The following RANBP17 variants were observed in gnomAD, a reference collection of about 807,000 sequenced individuals.
RANBP17 encodes the protein RAN binding protein 17, also known as ran-binding protein 17.
Under a neutral mutation model 141.2 loss-of-function variants are expected in RANBP17, and 158 were observed. The ratio of observed to expected loss-of-function variants is 1.12; its 90% CI spans 0.98 to 1.28. The LOEUF (loss-of-function observed/expected upper bound fraction) is 1.28. Among genes scored for constraint, RANBP17 ranks in the 50% most tolerant of loss-of-function variants. The pLI is 0.00. For synonymous variants in RANBP17, 430 were observed against 450.0 expected, an observed-to-expected ratio of 0.96 and a Z score of 0.56; for missense variants, 1,438 against 1,290.7, an observed-to-expected ratio of 1.11 and a Z score of -1.75.
intron 22 of RANBP17, among the ~76,000 whole-genome samples, chr5:171,229,759 G>GAAA (rs758827854): frequency 3.4e-5 from 3 of 88,320 alleles, no homozygotes; most frequent in African/African-American, 1.2e-4. Context: ...GATGCAAAAG[G>GAAA]AAAAAAAAAA....
At chr5:171,157,094 A>C (rs563248776) in intron 14 of RANBP17, among the ~76,000 whole-genome samples, 1 of 152,184 alleles carries the variant, frequency 6.6e-6, no homozygotes, top group African/African-American at 2.4e-5. Context: ...TTGTAAGCTA[A>C]CTGTCTGTCA....
chr5:170,960,871 T>C (rs1263866791), intron 13 of RANBP17, among the ~76,000 whole-genome samples: 2 of 152,132 alleles, frequency 1.3e-5, no homozygotes, highest in South Asian at 4.1e-4. Context: ...ATTATACAGC[T>C]GAGTAGCTGG....
chr5:170,954,856 C>A (rs1775487190), intron 13 of RANBP17, among the ~76,000 whole-genome samples: 1 of 152,242 alleles, frequency 6.6e-6, no homozygotes, highest in South Asian at 2.1e-4. Context: ...ACCAATGTAT[C>A]CTCTGAACCA....
chr5:171,088,310 T>C lies in RANBP17; in HGVS notation c.1711-81820T>C, dbSNP rs1485776123. 3.3e-5 allele frequency among the ~76,000 whole-genome samples: 5 copies of C among 152,230 alleles called. 1 individual carries two copies. The South Asian group carries it at 1.0e-3, about 32-fold the overall frequency. ...TATTGGCCCCCACTCTTCTGGCTTA[T>C]AGGGTTTCTGCAGAGAGATTCGCTG... is the stretch of plus-strand genomic sequence containing the variant. On this transcript the variant is annotated intron_variant, in intron 14 of 27. Transcript: ENST00000523189.
chr5:171,084,138 AGT>A (rs1320530547), intron 14 of RANBP17, among the ~76,000 whole-genome samples: 93 of 127,124 alleles, frequency 7.3e-4, no homozygotes, highest in Admixed American at 1.2e-3. Flanking sequence ...CAGTCCCCAG[AGT>A]GTGATATTCC....
intron 5 of RANBP17, among the ~76,000 whole-genome samples, chr5:170,908,428 C>T (rs1302982365): frequency 1.3e-5 from 2 of 151,784 alleles, no homozygotes; most frequent in African/African-American, 2.4e-5. Flanking sequence ...AAACCAAATA[C>T]CACATGTTCT....
intron 14 of RANBP17, among the ~76,000 whole-genome samples, chr5:171,137,023 AT>A (rs908540333): frequency 6.6e-5 from 10 of 152,132 alleles, no homozygotes; most frequent in African/African-American, 2.2e-4. Flanking sequence ...TCTGCTTCTG[AT>A]TCCTGAGAAT....
At chr5:171,010,243 C>T (rs758006116) in intron 14 of RANBP17, among the ~76,000 whole-genome samples, 11 of 152,138 alleles carry the variant, frequency 7.2e-5, no homozygotes, top group Non-Finnish European at 1.5e-4. Context: ...AGAGTTCCCA[C>T]CCTGCTAAAA....
At chr5:170,968,425 A>G (rs754379185) in intron 14 of RANBP17, 48 bp downstream of exon 14, 2 of 1,506,258 alleles carry the variant, frequency 1.3e-6, no homozygotes, top group Non-Finnish European at 9.2e-7. Flanking sequence ...GGATGAAGAA[A>G]GATGTACATA....
chr5:171,098,314 G>A (rs183355513), intron 14 of RANBP17, among the ~76,000 whole-genome samples: 3 of 152,060 alleles, frequency 2.0e-5, no homozygotes, highest in Admixed American at 2.0e-4. Context: ...TCATGACTTT[G>A]TAATGATGGC....
Position 171,084,282 on chromosome 5 carries a change from GACATGAACTCATC to G in RANBP17, c.1711-85846_1711-85834del, listed in dbSNP as rs899128597. 4.7e-5 allele frequency among the ~76,000 whole-genome samples: 7 copies of G among 148,316 alleles called. No homozygotes were observed. In the Admixed American group the frequency reaches 4.7e-4, roughly 10 times the overall value. On this transcript the variant is annotated intron_variant, in intron 14 of 27. Coordinates refer to ENST00000523189, the MANE Select transcript of RANBP17 (RefSeq NM_022897.5). ...CAATTCCATCCATGTCCCTACAAAG[GACATGAACTCATC>G]ATTTTTTATGGCTGCATAGTATTCC...
chr5:171,258,380 A>G (rs1766064553), intron 24 of RANBP17, among the ~76,000 whole-genome samples: 1 of 152,092 alleles, frequency 6.6e-6, no homozygotes. Flanking sequence ...TTTTTTTTAA[A>G]TCCTAAAATT....
chr5:171,213,720 C>T lies in RANBP17; in HGVS notation c.2321C>T (p.Ala774Val), dbSNP rs1446767000. The change falls in exon 21 of 28, where the codon GCA (alanine) becomes GTA (valine). Residue 774 changes from alanine to valine, a missense_variant. Coordinates refer to ENST00000523189, the MANE Select transcript of RANBP17 (RefSeq NM_022897.5). ...ACAACTCCCATCTTGAAACTTATGG[C>T]AGAACTTATGCAAAACAGGTAAGCA... ...TCTTPILKLM[A>V]ELMQNRSQRL... is the part of the protein sequence containing the mutation. The T allele has an allele frequency of 6.2e-7, 1 of 1,612,440 alleles. No homozygotes were observed. The highest frequency in any genetic ancestry group is 8.5e-7 in the Non-Finnish European group (1 of 1,178,610).
Position 171,242,814 on chromosome 5 carries a change from A to G in RANBP17, c.2770A>G (p.Thr924Ala). 6.2e-7 allele frequency: 1 copy of G among 1,613,506 alleles called. No homozygotes were observed. Among genetic ancestry groups the G allele is most frequent in the Non-Finnish European group, 8.5e-7 (1 of 1,179,602 alleles). ...CACATCTATCTCAGAGGGACTCACT[A>G]CTCTTGGTAAGGATCATAGAGGACA... ...VLTSISEGLT[T>A]LDTVVSSSCC... is the part of the protein sequence containing the mutation. The change falls in exon 24 of 28, where the codon ACT (threonine) becomes GCT (alanine). Residue 924 changes from threonine (T) to alanine (A), a missense_variant. Coordinates refer to ENST00000523189, the MANE Select transcript of RANBP17 (RefSeq NM_022897.5).
intron 24 of RANBP17, among the ~76,000 whole-genome samples, chr5:171,250,658 C>G (rs1352424739): frequency 6.6e-6 from 1 of 151,896 alleles, no homozygotes; most frequent in Non-Finnish European, 1.5e-5. Flanking sequence ...ATAATCCACA[C>G]AAACAAAAAA....
chr5:171,255,107 T>C (rs1400687142), intron 24 of RANBP17, among the ~76,000 whole-genome samples: 1 of 152,192 alleles, frequency 6.6e-6, no homozygotes, highest in East Asian at 1.9e-4. Context: ...TTCTAAAGCC[T>C]TACCCTGGCT....
In RANBP17 at chr5:171,247,934, G is replaced by A. The variant is rs144986758; in HGVS notation, c.2776+5114G>A. 1.7e-3 allele frequency among the ~76,000 whole-genome samples: 266 copies of A among 152,240 alleles called. 1 individual carries two copies. Among genetic ancestry groups the A allele is most frequent in the African/African-American group, 5.6e-3 (234 of 41,550 alleles). On this transcript the variant is annotated intron_variant, in intron 24 of 27. Coordinates refer to ENST00000523189, the MANE Select transcript of RANBP17 (RefSeq NM_022897.5). ...CTAAACAAAGAATTAAAATGGGGTG[G>A]TGGAAAAAGAATAAGTCAAGATGGC...
intron 14 of RANBP17, chr5:170,970,740 CTTATTG>C (rs951186618): frequency 1.3e-5 from 2 of 152,110 alleles, no homozygotes; most frequent in Non-Finnish European, 2.9e-5. Context: ...CTGCCAACTA[CTTATTG>C]TTATCAGAGA....
chr5:171,083,401 CTA>C (rs1434834512), intron 14 of RANBP17, among the ~76,000 whole-genome samples: 1 of 152,142 alleles, frequency 6.6e-6, no homozygotes, highest in Non-Finnish European at 1.5e-5. Flanking sequence ...CCAGACCTGA[CTA>C]TGCTGGCATC....
Sources: gnomAD v4.1 joint callset for allele counts (sites outside exome capture counted in the v4.1 genomes callset) on GRCh38, gnomAD v4.1.1 for gene constraint, MANE v1.5 for transcripts, NCBI Gene and HGNC (gene_info 2026-07-23, HGNC 2026-07-21) for gene names.